The following AGMO variants were observed in gnomAD, a reference collection of about 807,000 sequenced individuals.
The protein encoded by AGMO is alkylglycerol monooxygenase, also known as glyceryl-ether monooxygenase.
In AGMO, 75 loss-of-function variants were observed where a neutral mutation model predicts 60.2. The ratio of observed to expected loss-of-function variants is 1.25; its 90% CI spans 1.03 to 1.51. AGMO has a LOEUF of 1.51. Ranked by LOEUF, AGMO falls within the 40% of genes most tolerant of loss-of-function variation. The pLI, the probability that AGMO is intolerant of heterozygous loss-of-function variation, is 0.00. For synonymous variants in AGMO, 261 were observed against 177.1 expected, an observed-to-expected ratio of 1.47 and a Z score of -3.76; for missense variants, 763 against 525.5, an observed-to-expected ratio of 1.45 and a Z score of -4.42.
intron 12 of AGMO, among the ~76,000 whole-genome samples, chr7:15,296,346 T>C (rs990094199): frequency 1.3e-5 from 2 of 152,170 alleles, no homozygotes; most frequent in Non-Finnish European, 2.9e-5. Flanking sequence ...TGGGAACATA[T>C]GAAAGGATGT....
At chr7:15,365,379 G>GAAAAAAAAAAAAAAAA (rs1782929826) in intron 12 of AGMO, 135 bp downstream of exon 12, 3 of 217,792 alleles carry the variant, frequency 1.4e-5, no homozygotes, top group African/African-American at 2.4e-4. Context: ...GTACTGGTAA[G>GAAAAAAAAAAAAAAAA]TAAAAAAAAA....
intron 12 of AGMO, among the ~76,000 whole-genome samples, chr7:15,271,126 T>C (rs1404619882): frequency 6.6e-6 from 1 of 152,144 alleles, no homozygotes; most frequent in East Asian, 1.9e-4. Flanking sequence ...TTGTTCTTTT[T>C]GTTTAGGACT....
intron 12 of AGMO, among the ~76,000 whole-genome samples, chr7:15,311,572 C>A (rs1410720550): frequency 6.6e-6 from 1 of 152,138 alleles, no homozygotes; most frequent in Non-Finnish European, 1.5e-5. Context: ...GTGGACCTAA[C>A]ATCTGCTTTG....
chr7:15,392,799 AAAACAAACAAAC>A (rs67814097), intron 6 of AGMO, among the ~76,000 whole-genome samples: 24 of 33,880 alleles, frequency 7.1e-4, no homozygotes, highest in South Asian at 2.6e-3. Context: ...ACTCTGTCTC[AAAACAAACAAAC>A]AAACAAACAA....
intron 10 of AGMO, among the ~76,000 whole-genome samples, chr7:15,383,171 CT>C (rs1378100876): frequency 6.6e-6 from 1 of 152,000 alleles, no homozygotes; most frequent in Non-Finnish European, 1.5e-5. Context: ...GGTATTTTCA[CT>C]TGTGGGGTTC....
At chr7:15,312,868 C>T (rs577571396) in intron 12 of AGMO, among the ~76,000 whole-genome samples, 1 of 152,140 alleles carries the variant, frequency 6.6e-6, no homozygotes, top group Admixed American at 6.5e-5. Context: ...AGGGTTTTGC[C>T]ATGTTGCCCA....
intron 12 of AGMO, among the ~76,000 whole-genome samples, chr7:15,318,250 C>T (rs552360812): frequency 1.1e-4 from 16 of 152,000 alleles, no homozygotes; most frequent in African/African-American, 2.7e-4. Context: ...GTGATCCACC[C>T]GCCTCAGCCT....
chr7:15,215,188 T>C (rs959921570), intron 12 of AGMO, among the ~76,000 whole-genome samples: 1 of 152,088 alleles, frequency 6.6e-6, no homozygotes, highest in Non-Finnish European at 1.5e-5. Context: ...CTCCTTGTTA[T>C]GAAGCAAGAC....
chr7:15,133,502 G>GCTA, the AGMO span, among the ~76,000 whole-genome samples: 1 of 151,768 alleles, frequency 6.6e-6, no homozygotes, highest in Non-Finnish European at 1.5e-5. Context: ...ACCATTAGCT[G>GCTA]GAGGCTAAAA....
intron 12 of AGMO, among the ~76,000 whole-genome samples, chr7:15,280,371 T>C (rs965571385): frequency 1.3e-5 from 2 of 152,170 alleles, no homozygotes; most frequent in Admixed American, 6.5e-5. Flanking sequence ...CAGAGGCAGC[T>C]GCATTCTGCC....
At chr7:15,465,152 C>T (rs1424053318) in intron 3 of AGMO, among the ~76,000 whole-genome samples, 1 of 151,846 alleles carries the variant, frequency 6.6e-6, no homozygotes, top group African/African-American at 2.4e-5. Context: ...TTTGAGTAGC[C>T]TTTATGCCCC....
At chr7:15,492,472 A>G (rs1206607810) in intron 3 of AGMO, among the ~76,000 whole-genome samples, 1 of 152,014 alleles carries the variant, frequency 6.6e-6, no homozygotes, top group African/African-American at 2.4e-5. Context: ...AATCTTCTAG[A>G]ATTGCAGGTT....
At chr7:15,423,243 T>C (rs1583536141) in intron 4 of AGMO, among the ~76,000 whole-genome samples, 1 of 152,166 alleles carries the variant, frequency 6.6e-6, no homozygotes, top group African/African-American at 2.4e-5. Context: ...AAGAATCAAA[T>C]AGCATGTGCC....
chr7:15,386,172 AG>A (rs1489979934), intron 9 of AGMO, among the ~76,000 whole-genome samples: 1 of 105,948 alleles, frequency 9.4e-6, no homozygotes, highest in Non-Finnish European at 1.9e-5. Context: ...CAGTCCCAAA[AG>A]AAAAAAAAAG....
chr7:15,479,214 C>A (rs1211408641), intron 3 of AGMO, among the ~76,000 whole-genome samples: 1 of 152,086 alleles, frequency 6.6e-6, no homozygotes, highest in Non-Finnish European at 1.5e-5. Context: ...ATAAGAGATG[C>A]TCTCATGTTT....
intron 5 of AGMO, among the ~76,000 whole-genome samples, chr7:15,403,005 G>A (rs12533157): frequency 0.2 from 29,657 of 151,550 alleles, 3,136 homozygotes; most frequent in Middle Eastern, 0.28. Context: ...AGTTTAAACT[G>A]TATCAGAAAA....
chr7:15,267,749 T>A (rs532036139), intron 12 of AGMO, among the ~76,000 whole-genome samples: 4 of 151,964 alleles, frequency 2.6e-5, no homozygotes, highest in Non-Finnish European at 2.9e-5. Flanking sequence ...GAGCAGTGAT[T>A]ACACAAGCTG....
At chr7:15,212,913 A>G (rs1188528522) in intron 12 of AGMO, among the ~76,000 whole-genome samples, 1 of 151,974 alleles carries the variant, frequency 6.6e-6, no homozygotes, top group Non-Finnish European at 1.5e-5. Context: ...ACAGACTTTC[A>G]TACGTGCAAA....
At chr7:15,393,514 AAAT>A (rs553124331) in intron 6 of AGMO, among the ~76,000 whole-genome samples, 76 of 152,334 alleles carry the variant, frequency 5.0e-4, no homozygotes, top group African/African-American at 1.5e-3. Context: ...TTTCTATCAC[AAAT>A]AATGATGATA....
Sources: gnomAD v4.1 joint callset for allele counts (sites outside exome capture counted in the v4.1 genomes callset) on GRCh38, gnomAD v4.1.1 for gene constraint, MANE v1.5 for transcripts, NCBI Gene and HGNC (gene_info 2026-07-23, HGNC 2026-07-21) for gene names.